ACSL1: variants seen among roughly 807,000 people sequenced by gnomAD.
The protein encoded by ACSL1 is acyl-CoA synthetase long chain family member 1.
In ACSL1, 41 loss-of-function variants were observed where a neutral mutation model predicts 98.4. The observed-to-expected ratio is 0.42, with a 90% CI of 0.32 to 0.54. The LOEUF (loss-of-function observed/expected upper bound fraction) is 0.54. Ranked by LOEUF, ACSL1 falls within the 20% of genes least tolerant of loss-of-function variation. The pLI is 0.13. For missense variants in ACSL1, 734 were observed against 883.1 expected (o/e 0.83, Z 2.14); for synonymous variants, 316 against 322.7 (o/e 0.98, Z 0.22).
intron 2 of ACSL1, among the ~76,000 whole-genome samples, chr4:184,791,876 G>A (rs1768437346): frequency 6.6e-6 from 1 of 152,098 alleles, no homozygotes; most frequent in Admixed American, 6.5e-5. Context: ...TAGAAGACTG[G>A]GTACTGGGGG....
At chr4:184,765,708 G>A (rs1274549164) in intron 14 of ACSL1, among the ~76,000 whole-genome samples, 183 bp downstream of exon 14, 1 of 152,010 alleles carries the variant, frequency 6.6e-6, no homozygotes, top group Non-Finnish European at 1.5e-5. Context: ...GCTTCATTTA[G>A]CCATTCCACA....
At chr4:184,790,303 A>G (rs1468011819) in intron 2 of ACSL1, among the ~76,000 whole-genome samples, 1 of 152,234 alleles carries the variant, frequency 6.6e-6, no homozygotes, top group African/African-American at 2.4e-5. Context: ...AAAACATTTA[A>G]GTGATACAGA....
intron 2 of ACSL1, among the ~76,000 whole-genome samples, chr4:184,802,423 G>C (rs971420019): frequency 1.3e-5 from 2 of 152,130 alleles, no homozygotes; most frequent in Non-Finnish European, 2.9e-5. Context: ...GGGGGATCTT[G>C]TGTTTCACAA....
At chr4:184,761,018 A>G (rs1400197905) in intron 17 of ACSL1, among the ~76,000 whole-genome samples, 1 of 152,204 alleles carries the variant, frequency 6.6e-6, no homozygotes, top group Non-Finnish European at 1.5e-5. Flanking sequence ...CAACTGTGGA[A>G]GTGCTCTAGC....
At position 184,757,178 on chromosome 4, in the gene ACSL1, G is replaced by C; in HGVS notation, c.2044C>G (p.Arg682Gly). Residue 682 changes from arginine to glycine, a missense_variant, in exon 21 of 21, where the codon CGG becomes GGG. By Grantham distance (125) the Arg-to-Gly change is moderately radical. Coordinates refer to ENST00000281455, the MANE Select transcript of ACSL1 (RefSeq NM_001995.5). The surrounding 1 kb of genome is among the most constrained non-coding windows in gnomAD (Gnocchi z 4.5). ...PTMKAKRPEL[R>G]NYFRSQIDDL... ...TCTATCTGCGACCTGAAATAGTTCC[G>C]CAGCTCTGGCCTTTTCGCCTTCATT... The C allele has an allele frequency of 6.2e-7, 1 of 1,609,316 alleles. No homozygotes were observed. Among genetic ancestry groups the C allele is most frequent in the Non-Finnish European group, 8.5e-7 (1 of 1,176,044 alleles).
At chr4:184,811,114 TG>T (rs2150476418) in intron 1 of ACSL1, among the ~76,000 whole-genome samples, 1 of 152,122 alleles carries the variant, frequency 6.6e-6, no homozygotes. Context: ...GCTTTTTTTT[TG>T]TTTTGTTTTT....
intron 1 of ACSL1, among the ~76,000 whole-genome samples, chr4:184,815,389 T>C (rs1036580087): frequency 1.3e-5 from 2 of 152,124 alleles, no homozygotes; most frequent in African/African-American, 4.8e-5. Flanking sequence ...TTCTTGTCAA[T>C]GTCTTGGCTG....
chr4:184,797,276 G>T (rs1234366027), intron 2 of ACSL1, among the ~76,000 whole-genome samples: 3 of 152,230 alleles, frequency 2.0e-5, no homozygotes, highest in Admixed American at 6.5e-5. Flanking sequence ...AGTCTGGTGT[G>T]AGTCTTCATA....
Position 184,776,469 on chromosome 4 carries a change from A to C in ACSL1, c.756+15T>G. 3.1e-6 allele frequency: 5 copies of C among 1,606,936 alleles called. No individual in the cohort carries two copies. The highest frequency in any genetic ancestry group is 4.2e-6 in the Non-Finnish European group (5 of 1,176,894). ...GGGAAAGCCTTCAGAGAAGGGAAGG[A>C]GGCAGGGCACTCACCTCCATCGCCT... On this transcript the variant is annotated intron_variant, in intron 7 of 20. Coordinates refer to ENST00000281455, the MANE Select transcript of ACSL1 (RefSeq NM_001995.5).
intron 1 of ACSL1, chr4:184,820,979 GC>G (rs1773024127): frequency 2.2e-6 from 1 of 455,342 alleles, no homozygotes; most frequent in Non-Finnish European, 4.4e-6. Flanking sequence ...AAGCCAGACT[GC>G]CTAGGTTCAA....
Position 184,766,400 on chromosome 4 carries a change from C to T in ACSL1, c.1263+222G>A, listed in dbSNP as rs1763618055. On this transcript the variant is annotated intron_variant, in intron 13 of 20. Transcript: ENST00000281455. This position sits in a 1 kb window ranked among gnomAD's most constrained non-coding sequence, Gnocchi z 4.8. The stretch of plus-strand genomic sequence containing the variant: ...ATGGAGAATGAGAAAGGCTCCACTA[C>T]CCTGACTCCTTTTCCCCCTAGATGG... Among the ~76,000 whole-genome samples the T allele has an allele frequency of 6.6e-6, 1 of 152,232 alleles. No homozygotes were observed. Among genetic ancestry groups the T allele is most frequent in the African/African-American group, 2.4e-5 (1 of 41,446 alleles).
At position 184,785,600 on chromosome 4, in the gene ACSL1, C is replaced by CCGGGGGGG. The variant is rs1392500206; in HGVS notation, c.311-1610_311-1609insCCCCCCCG. On this transcript the variant is annotated intron_variant, in intron 3 of 20. Coordinates refer to ENST00000281455, the MANE Select transcript of ACSL1 (RefSeq NM_001995.5). ...CTTAGAATAAAAAGATCCTCCTGGG[C>CCGGGGGGG]GGGGGCGGGGGGGGGGGGGGGAAGG... Among the ~76,000 whole-genome samples, 7 of 19,186 alleles carry CCGGGGGGG rather than the reference C, an allele frequency of 3.6e-4. 1 individual carries two copies. The highest frequency in any genetic ancestry group is 6.3e-3 in the South Asian group (1 of 158). The allele number at this position is 19,186 out of a possible 152,430, so 12.6% of individuals were successfully genotyped here.
At position 184,803,546 on chromosome 4, in the gene ACSL1, T is replaced by C; in HGVS notation, c.-32A>G. On this transcript the variant is annotated splice_region_variant and 5_prime_UTR_variant, in exon 2 of 21. Transcript: ENST00000281455. The surrounding 1 kb of genome is among the most constrained non-coding windows in gnomAD (Gnocchi z 4.8). ...GTGTTGATAGTTCTCTAAGCTGAAT[T>C]CTGTTGGGAGAGAAAAATGTCACGT... The C allele has an allele frequency of 6.9e-7, 1 of 1,445,268 alleles. No homozygotes were observed. The highest frequency in any genetic ancestry group is 2.5e-5 in the East Asian group (1 of 39,562). The allele number at this position is 1,445,268 out of a possible 1,614,324, so 89.5% of individuals were successfully genotyped here.
chr4:184,814,491 G>A (rs544848211), intron 1 of ACSL1, among the ~76,000 whole-genome samples: 14 of 152,052 alleles, frequency 9.2e-5, no homozygotes, highest in Non-Finnish European at 1.8e-4. Context: ...ATGAAGAAAA[G>A]AGTCAATGTT....
At position 184,799,757 on chromosome 4, in the gene ACSL1, G is replaced by C. The variant is rs192378895; in HGVS notation, c.195+3563C>G. On this transcript the variant is annotated intron_variant, in intron 2 of 20. Coordinates refer to ENST00000281455, the MANE Select transcript of ACSL1 (RefSeq NM_001995.5). ...TTAGCTACTCTGGAGTTAGAGGTGA[G>C]AGAACAGCTTGAGCCCAGGAGTTTG... Among the ~76,000 whole-genome samples, 515 of 152,234 alleles carry C rather than the reference G, an allele frequency of 3.4e-3. 2 individuals carry two copies. Among genetic ancestry groups the C allele is most frequent in the Non-Finnish European group, 4.4e-3 (298 of 68,014 alleles).
chr4:184,789,089 G>A (rs1022151230), intron 2 of ACSL1, among the ~76,000 whole-genome samples: 2 of 152,220 alleles, frequency 1.3e-5, no homozygotes, highest in Non-Finnish European at 2.9e-5. Context: ...CCCTCTAGGC[G>A]GCCACCTGCG....
chr4:184,778,961 T>C (rs1483453558), intron 5 of ACSL1, among the ~76,000 whole-genome samples: 3 of 150,660 alleles, frequency 2.0e-5, no homozygotes, highest in Non-Finnish European at 4.4e-5. Context: ...AAAAAGTCAG[T>C]AGCACAGGGA....
chr4:184,794,897 T>G (rs1387132773), intron 2 of ACSL1, among the ~76,000 whole-genome samples: 5 of 145,920 alleles, frequency 3.4e-5, no homozygotes, highest in Non-Finnish European at 7.4e-5. Context: ...ATCTCCAGTT[T>G]CCAACTTCCC....
At chr4:184,760,286 T>G in intron 18 of ACSL1, 71 bp downstream of exon 18, 1 of 1,548,062 alleles carries the variant, frequency 6.5e-7, no homozygotes, top group Non-Finnish European at 8.8e-7. Flanking sequence ...TCCAATCACA[T>G]TTAAAGCCCC....
Sources: allele counts gnomAD v4.1 joint callset (sites outside exome capture counted in the v4.1 genomes callset), GRCh38; gene constraint gnomAD v4.1.1; non-coding constraint Gnocchi (gnomAD v3.1); transcripts MANE v1.5; gene names NCBI Gene and HGNC (gene_info 2026-07-23, HGNC 2026-07-21).